Variants in ZCWPW1 observed in about 807,000 individuals in gnomAD.
ZCWPW1 encodes zinc finger CW-type and PWWP domain containing 1, also known as zinc finger CW-type PWWP domain protein 1.
Under a neutral mutation model 81.3 loss-of-function variants are expected in ZCWPW1, and 56 were observed. The observed-to-expected ratio is 0.69, with a 90% CI of 0.56 to 0.86. The LOEUF is 0.86. ZCWPW1 is among the 40% of genes least tolerant of loss of function. The probability of loss-of-function intolerance (pLI) is 0.00; values close to 1 mark genes in which losing one functional copy is unlikely to be tolerated. For missense variants in ZCWPW1, 650 were observed against 769.8 expected, an observed-to-expected ratio of 0.84 and a Z score of 1.84; for synonymous variants, 250 against 273.7, an observed-to-expected ratio of 0.91 and a Z score of 0.86.
chr7:100,404,916 T>C (rs1792667202), intron 13 of ZCWPW1, 97 bp downstream of exon 13: 1 of 1,206,036 alleles, frequency 8.3e-7, no homozygotes, highest in Non-Finnish European at 1.2e-6. Flanking sequence ...AGAGGTAGGA[T>C]GGCCCCTAGC....
In ZCWPW1 at chr7:100,400,892, T is replaced by C. The variant is rs1791737008; in HGVS notation, c.*122A>G. The C allele has an allele frequency of 8.7e-7, 1 of 1,153,606 alleles. No homozygotes were observed. The highest frequency in any genetic ancestry group is 1.6e-5 in the African/African-American group (1 of 64,130). 71.5% of individuals were successfully genotyped at this position (1,153,606 alleles called of 1,614,324 possible). ...CCCAGTCGACTGTAACCTGCTTTATTAACACAGAAACTGCACCACACACAT... is the reference window on the plus strand; with the variant it reads ...CCCAGTCGACTGTAACCTGCTTTATCAACACAGAAACTGCACCACACACAT... On this transcript the variant is annotated 3_prime_UTR_variant, in exon 18 of 18. Transcript: ENST00000684423.
chr7:100,419,229 T>C lies in ZCWPW1; in HGVS notation c.283-40A>G, dbSNP rs778201122. On this transcript the variant is annotated intron_variant, in intron 4 of 17. Transcript: ENST00000684423. Reference sequence around the variant, plus strand: ...GTAGGGGAGGAAAACCACTTATCTTTCCATAGTTTTCCCCTCTGAACAGTC... The same window carrying C: ...GTAGGGGAGGAAAACCACTTATCTTCCCATAGTTTTCCCCTCTGAACAGTC... 2.6e-6 allele frequency: 4 copies of C among 1,563,674 alleles called. No homozygotes were observed. The East Asian group carries it at 6.8e-5, about 26-fold the overall frequency.
Position 100,419,105 on chromosome 7 carries a change from C to T in ZCWPW1, c.361+6G>A. ...GAAACCCTTTTTCTCTTACTACATGCCATACCCAAGCACTCCTGAAGGGAC... is the reference window on the plus strand; with the variant it reads ...GAAACCCTTTTTCTCTTACTACATGTCATACCCAAGCACTCCTGAAGGGAC... On this transcript the variant is annotated splice_donor_region_variant and intron_variant, in intron 5 of 17. Transcript: ENST00000684423. The T allele has an allele frequency of 6.2e-7, 1 of 1,612,166 alleles. No homozygotes were observed. The highest frequency in any genetic ancestry group is 1.3e-5 in the African/African-American group (1 of 74,878).
chr7:100,407,745 T>C (rs1230908102), intron 10 of ZCWPW1, among the ~76,000 whole-genome samples: 2 of 151,792 alleles, frequency 1.3e-5, no homozygotes, highest in East Asian at 1.9e-4. Context: ...CCTTCCATCA[T>C]CCCCCTCTAG....
At chr7:100,411,065 G>C (rs906151221) in intron 8 of ZCWPW1, among the ~76,000 whole-genome samples, 2 of 152,048 alleles carry the variant, frequency 1.3e-5, no homozygotes, top group Non-Finnish European at 2.9e-5. Flanking sequence ...CAGACACATA[G>C]GTATCGCTAT....
chr7:100,419,295 G>C (rs1232238724), intron 4 of ZCWPW1, 106 bp from the exon 5 acceptor site: 3 of 960,488 alleles, frequency 3.1e-6, no homozygotes, highest in Non-Finnish European at 3.1e-6. Context: ...TTTATAAGAC[G>C]GAAGGCATGC....
intron 15 of ZCWPW1, among the ~76,000 whole-genome samples, chr7:100,403,391 A>G (rs1045223098): frequency 4.0e-5 from 6 of 151,878 alleles, no homozygotes; most frequent in African/African-American, 1.4e-4. Flanking sequence ...AATTTTTTGT[A>G]TTTTTAGTAG....
chr7:100,401,754 A>G, intron 17 of ZCWPW1, 135 bp downstream of exon 17: 1 of 1,208,226 alleles, frequency 8.3e-7, no homozygotes, highest in Non-Finnish European at 1.1e-6. Context: ...GCAGTCCGAG[A>G]CGCTCTTTCA....
In ZCWPW1 at chr7:100,402,024, C is replaced by T. The variant is rs1208404579; in HGVS notation, c.1492G>A (p.Gly498Ser). The T allele has an allele frequency of 6.8e-6, 11 of 1,611,824 alleles. No individual in the cohort carries two copies. The highest frequency in any genetic ancestry group is 9.3e-6 in the Non-Finnish European group (11 of 1,179,120). ...TKPRGLGGDA[G>S]TADGRGRTLQ... is the part of the protein sequence containing the mutation. ...GTCCTGCCTCGGCCATCTGCTGTGCCTGCATCACCCCCAAGCCCTAGCCGT... is the reference window on the plus strand; with the variant it reads ...GTCCTGCCTCGGCCATCTGCTGTGCTTGCATCACCCCCAAGCCCTAGCCGT... Residue 498 changes from glycine to serine, a missense_variant, in exon 17 of 18, where the codon GGC (glycine) becomes AGC (serine). Gly to Ser is a moderately conservative substitution (Grantham distance 56). Coordinates refer to ENST00000684423, the MANE Select transcript of ZCWPW1 (RefSeq NM_001386010.1).
intron 12 of ZCWPW1, 33 bp downstream of exon 12, chr7:100,406,661 C>T (rs1263338844): frequency 2.5e-6 from 4 of 1,581,684 alleles, no homozygotes; most frequent in Admixed American, 1.7e-5. Flanking sequence ...TTTGTTTTCT[C>T]TGTATCACAA....
chr7:100,416,877 C>G (rs928649801), intron 6 of ZCWPW1, among the ~76,000 whole-genome samples, 189 bp downstream of exon 6: 5 of 149,864 alleles, frequency 3.3e-5, no homozygotes, highest in Non-Finnish European at 4.4e-5. Context: ...ACCCAGGAGG[C>G]AGAGGTTGCA....
At chr7:100,407,935 G>C (rs1166539266) in intron 10 of ZCWPW1, among the ~76,000 whole-genome samples, 1 of 151,986 alleles carries the variant, frequency 6.6e-6, no homozygotes, top group African/African-American at 2.4e-5. Context: ...CCTTTACTTT[G>C]TCTCTCTCAA....
At chr7:100,404,138 C>T in intron 14 of ZCWPW1, 40 bp downstream of exon 14, 2 of 1,596,118 alleles carry the variant, frequency 1.3e-6, no homozygotes, top group Non-Finnish European at 1.7e-6. Flanking sequence ...GAAGGAATCC[C>T]TCCCATCCTT....
intron 7 of ZCWPW1, 57 bp from the exon 8 acceptor site, chr7:100,416,154 T>C: frequency 6.2e-7 from 1 of 1,608,010 alleles, no homozygotes; most frequent in Non-Finnish European, 8.5e-7. Context: ...TCTTTGTAGA[T>C]AGTAAAGGTC....
Position 100,403,704 on chromosome 7 carries a change from CCTTCCTCCTTTTCCAACT to C in ZCWPW1, c.1385_1402del (p.Glu462_Glu467del). On this transcript the variant is annotated inframe_deletion, in exon 15 of 18. Coordinates refer to ENST00000684423, the MANE Select transcript of ZCWPW1 (RefSeq NM_001386010.1). ...TAAAGCTAATCTTACTGTTTTCTCT[CCTTCCTCCTTTTCCAACT>C]CTTCCTCTTTCTCCTTTTTCTCTAA... is the stretch of plus-strand genomic sequence containing the variant. 6.2e-7 allele frequency: 1 copy of C among 1,612,714 alleles called. No homozygotes were observed. Among genetic ancestry groups the C allele is most frequent in the Non-Finnish European group, 8.5e-7 (1 of 1,179,300 alleles).
chr7:100,406,047 T>G (rs992635273), intron 12 of ZCWPW1, among the ~76,000 whole-genome samples: 3 of 152,202 alleles, frequency 2.0e-5, no homozygotes, highest in Admixed American at 6.5e-5. Context: ...TTCCTTTAGA[T>G]CCAGCTGTTT....
At chr7:100,407,398 T>C in intron 10 of ZCWPW1, 95 bp from the exon 11 acceptor site, 1 of 1,165,308 alleles carries the variant, frequency 8.6e-7, no homozygotes. Flanking sequence ...AAGAGCAGTA[T>C]GATTTTTTTT....
intron 17 of ZCWPW1, 26 bp downstream of exon 17, chr7:100,401,863 A>G (rs1281038161): frequency 1.3e-6 from 2 of 1,583,236 alleles, no homozygotes; most frequent in Non-Finnish European, 1.7e-6. Context: ...CATTCCCCTT[A>G]GTTTTTCCCA....
chr7:100,424,764 T>A (rs960750577), intron 2 of ZCWPW1, among the ~76,000 whole-genome samples: 2 of 152,148 alleles, frequency 1.3e-5, no homozygotes, highest in African/African-American at 4.8e-5. Context: ...CCGGCCGAAA[T>A]TCTTTAAGTA....
Sources: allele counts gnomAD v4.1 joint callset (sites outside exome capture counted in the v4.1 genomes callset), GRCh38; gene constraint gnomAD v4.1.1; transcripts MANE v1.5; gene names NCBI Gene and HGNC (gene_info 2026-07-23, HGNC 2026-07-21).